Variants in ATP2C1 observed in about 807,000 individuals in gnomAD.
ATP2C1 encodes calcium-transporting ATPase type 2C member 1.
In ATP2C1, 31 loss-of-function variants were observed where a neutral mutation model predicts 120.5. That is an observed-to-expected ratio of 0.26 (90% CI 0.19 to 0.35). The LOEUF (loss-of-function observed/expected upper bound fraction) is 0.35. ATP2C1 is among the 10% of genes least tolerant of loss of function. The pLI is 1.00. For synonymous variants in ATP2C1, 351 were observed against 358.7 expected (o/e 0.98, Z 0.24); for missense variants, 731 against 1,107.5 (o/e 0.66, Z 4.83).
At chr3:130,980,058 A>G (rs2061688257) in intron 19 of ATP2C1, among the ~76,000 whole-genome samples, 1 of 152,170 alleles carries the variant, frequency 6.6e-6, no homozygotes, top group African/African-American at 2.4e-5. Context: ...TATTATTGGA[A>G]GAATAACTTT....
At chr3:130,891,474 G>A (rs951733234), upstream of ATP2C1, among the ~76,000 whole-genome samples, 5 of 152,108 alleles carry the variant, frequency 3.3e-5, no homozygotes, top group African/African-American at 4.8e-5. Context: ...TTTCTTGCAC[G>A]TGACCACTTT....
In ATP2C1 at chr3:130,956,009, G is replaced by A. The variant is rs939494292; in HGVS notation, c.757-95G>A. The A allele has an allele frequency of 6.2e-6, 5 of 810,724 alleles. No individual in the cohort carries two copies. The African/African-American group carries it at 8.4e-5, about 14-fold the overall frequency. 50.2% of individuals were successfully genotyped at this position (810,724 alleles called of 1,614,324 possible). On this transcript the variant is annotated intron_variant, in intron 10 of 27. Coordinates refer to ENST00000510168, the MANE Select transcript of ATP2C1 (RefSeq NM_001378687.1). Reference sequence around the variant, plus strand: ...TGGGAGAGTTGTATGGTTAACTTAGGAATTGCTTTGTCAAGCACTTAGCAA... The same window carrying A: ...TGGGAGAGTTGTATGGTTAACTTAGAAATTGCTTTGTCAAGCACTTAGCAA...
chr3:130,878,134 G>C (rs2068666010), intron 1 of ATP2C1, among the ~76,000 whole-genome samples: 2 of 110,046 alleles, frequency 1.8e-5, no homozygotes, highest in Non-Finnish European at 3.4e-5. Flanking sequence ...ACTGGGGCCT[G>C]TCGTGGGGTG....
chr3:130,978,588 C>T (rs1315158894), intron 18 of ATP2C1, among the ~76,000 whole-genome samples: 19 of 151,978 alleles, frequency 1.3e-4, no homozygotes, highest in Non-Finnish European at 4.4e-5. Flanking sequence ...AATATGATGG[C>T]GTTATTTACA....
At chr3:130,941,869 A>G (rs1223308814) in intron 8 of ATP2C1, among the ~76,000 whole-genome samples, 170 bp downstream of exon 8, 1 of 152,060 alleles carries the variant, frequency 6.6e-6, no homozygotes, top group Non-Finnish European at 1.5e-5. Context: ...ATCTGTCTCT[A>G]CTGTAACATC....
chr3:131,004,356 C>T (rs1204820345), downstream of ATP2C1, among the ~76,000 whole-genome samples: 1 of 152,200 alleles, frequency 6.6e-6, no homozygotes, highest in Non-Finnish European at 1.5e-5. Flanking sequence ...GGTTAAGTTT[C>T]CTTGAGCTCA....
chr3:130,902,351 CAT>C (rs1381216406), intron 2 of ATP2C1, among the ~76,000 whole-genome samples: 1 of 80,668 alleles, frequency 1.2e-5, no homozygotes, highest in African/African-American at 4.6e-5. Context: ...GCCTAGGAAA[CAT>C]AGAGTAGCTT....
chr3:130,910,020 A>G (rs1433922051), intron 2 of ATP2C1, among the ~76,000 whole-genome samples: 2 of 152,090 alleles, frequency 1.3e-5, no homozygotes, highest in African/African-American at 4.8e-5. Context: ...GTAGGTTTTT[A>G]CATTTATTTC....
chr3:130,959,251 A>T, intron 11 of ATP2C1, 24 bp from the exon 12 acceptor site: 1 of 1,567,504 alleles, frequency 6.4e-7, no homozygotes, highest in South Asian at 1.1e-5. Flanking sequence ...AAAAGGGAAA[A>T]ATAACTATTT....
chr3:130,888,358 C>A (rs2069049472), intron 1 of ATP2C1, among the ~76,000 whole-genome samples: 1 of 152,190 alleles, frequency 6.6e-6, no homozygotes, highest in African/African-American at 2.4e-5. Flanking sequence ...CCACCCTAGT[C>A]CAGTGGCTCT....
intron 1 of ATP2C1, among the ~76,000 whole-genome samples, chr3:130,888,181 C>T (rs2069043630): frequency 1.3e-5 from 2 of 152,204 alleles, no homozygotes; most frequent in South Asian, 4.1e-4. Flanking sequence ...CCATATCCTA[C>T]TGTGACTGAG....
At chr3:130,868,913 G>T (rs1216235289) in intron 1 of ATP2C1, 7 of 159,036 alleles carry the variant, frequency 4.4e-5, no homozygotes, top group Non-Finnish European at 6.7e-5. Context: ...CCACCACCCC[G>T]TCTGGGAGGT....
rs1474579651 is a variant in ATP2C1, at chr3:130,894,955, T to C, written c.6+180T>C. 1.3e-5 allele frequency among the ~76,000 whole-genome samples: 2 copies of C among 152,172 alleles called. No individual in the cohort carries two copies. The highest frequency in any genetic ancestry group is 2.9e-5 in the Non-Finnish European group (2 of 68,024). On this transcript the variant is annotated intron_variant, in intron 2 of 27. Transcript: ENST00000510168. This position sits in a 1 kb window ranked among gnomAD's most constrained non-coding sequence, Gnocchi z 4.5. ...GCTTTTATTTTGGTAACATGGGGCA[T>C]TTGAGAGATTGAGGTTCTGTGGGTG...
At chr3:130,979,794 TG>T (rs1339899013) in intron 19 of ATP2C1, among the ~76,000 whole-genome samples, 68 of 152,328 alleles carry the variant, frequency 4.5e-4, no homozygotes, top group African/African-American at 1.6e-3. Context: ...GTGCATAATT[TG>T]GCAGAAAATA....
intron 2 of ATP2C1, among the ~76,000 whole-genome samples, chr3:130,921,990 G>A (rs372006544): frequency 1.8e-4 from 27 of 152,212 alleles, no homozygotes; most frequent in African/African-American, 4.6e-4. Context: ...AATGATTTAC[G>A]GAGGATTCCC....
chr3:130,890,153 G>T (rs1004901061), upstream of ATP2C1, among the ~76,000 whole-genome samples: 9 of 152,146 alleles, frequency 5.9e-5, no homozygotes, highest in African/African-American at 1.9e-4. Flanking sequence ...GGTGAATTAT[G>T]CTAGTTTGGA....
intron 2 of ATP2C1, among the ~76,000 whole-genome samples, chr3:130,912,398 A>G (rs1293474005): frequency 1.3e-5 from 2 of 150,418 alleles, no homozygotes; most frequent in African/African-American, 2.5e-5. Flanking sequence ...ACTCAAACCA[A>G]TTTACAAGAA....
chr3:130,985,518 A>G (rs926295133), intron 20 of ATP2C1, among the ~76,000 whole-genome samples: 40 of 152,138 alleles, frequency 2.6e-4, no homozygotes, highest in African/African-American at 8.9e-4. Flanking sequence ...CTGTAATCCC[A>G]GCTACTCTAA....
At chr3:130,988,630 A>T (rs2062140563) in intron 20 of ATP2C1, among the ~76,000 whole-genome samples, 1 of 152,086 alleles carries the variant, frequency 6.6e-6, no homozygotes, top group African/African-American at 2.4e-5. Context: ...CAGAAAATTG[A>T]TCCTCAGTGC....
Sources: allele counts gnomAD v4.1 joint callset (sites outside exome capture counted in the v4.1 genomes callset), GRCh38; gene constraint gnomAD v4.1.1; non-coding constraint Gnocchi (gnomAD v3.1); transcripts MANE v1.5; gene names NCBI Gene and HGNC (gene_info 2026-07-23, HGNC 2026-07-21).